AHI1: variants seen among roughly 807,000 people sequenced by gnomAD.
The protein encoded by AHI1 is Abelson helper integration site 1, also known as jouberin.
In AHI1, 123 loss-of-function variants were observed where a neutral mutation model predicts 149.3. That is an observed-to-expected ratio of 0.82 (90% CI 0.71 to 0.96). The LOEUF (loss-of-function observed/expected upper bound fraction) is 0.96, where lower values mean the gene tolerates loss of function less well. Among genes scored for constraint, AHI1 ranks in the 40% least tolerant of loss-of-function variants. AHI1 has a pLI of 0.00. For synonymous variants in AHI1, 475 were observed against 459.8 expected, an observed-to-expected ratio of 1.03 and a Z score of -0.42; for missense variants, 1,439 against 1,422.7, an observed-to-expected ratio of 1.01 and a Z score of -0.18.
chr6:135,340,367 T>A (rs1221706498), intron 24 of AHI1, among the ~76,000 whole-genome samples: 1 of 148,724 alleles, frequency 6.7e-6, no homozygotes, highest in Admixed American at 6.7e-5. Context: ...CGAGACTCTG[T>A]CTCAAAAAAC....
chr6:135,428,792 G>A, intron 18 of AHI1, 33 bp from the exon 19 acceptor site: 4 of 1,551,542 alleles, frequency 2.6e-6, no homozygotes, highest in African/African-American at 1.4e-5. Flanking sequence ...AAATGTAACT[G>A]TCTTAATCAT....
At position 135,465,885 on chromosome 6, in the gene AHI1, A is replaced by G. The variant is rs759107885; in HGVS notation, c.678T>C (p.His226=). 5.8e-6 allele frequency: 9 copies of G among 1,549,048 alleles called. No homozygotes were observed. Among genetic ancestry groups the G allele is most frequent in the Admixed American group, 2.0e-5 (1 of 48,782 alleles). The change falls in exon 7 of 29, where the codon CAT becomes CAC. Residue 226 remains histidine, a synonymous_variant. Coordinates refer to ENST00000265602, the MANE Select transcript of AHI1 (RefSeq NM_001134831.2). The stretch of plus-strand genomic sequence containing the variant: ...TTTTTTCACTGCTTAGTTTGTCATC[A>G]TGGAATAAAGTATCTGAGGGAAAGT... The part of the protein sequence containing the change: ...LTYFPSDTLF[H]DDKLSSEKRK...
At chr6:135,332,155 C>G (rs1351945025) in intron 24 of AHI1, among the ~76,000 whole-genome samples, 1 of 151,728 alleles carries the variant, frequency 6.6e-6, no homozygotes, top group African/African-American at 2.4e-5. Flanking sequence ...CTGCAACCTC[C>G]GTCTCCCGGG....
At chr6:135,299,225 A>G (rs1783548790) in intron 27 of AHI1, among the ~76,000 whole-genome samples, 2 of 152,356 alleles carry the variant, frequency 1.3e-5, no homozygotes, top group East Asian at 3.9e-4. Flanking sequence ...GACTCTTAAA[A>G]ATTACATTTG....
intron 26 of AHI1, chr6:135,301,353 T>G: frequency 2.1e-6 from 2 of 972,388 alleles, no homozygotes; most frequent in Non-Finnish European, 2.4e-6. Flanking sequence ...TCCTAATTAT[T>G]TCAGTAATCC....
intron 4 of AHI1, 67 bp downstream of exon 4, chr6:135,492,161 A>G: frequency 7.7e-7 from 1 of 1,291,046 alleles, no homozygotes; most frequent in Middle Eastern, 2.7e-4. Context: ...ATCCCTTAAA[A>G]TAAACCAAAC....
chr6:135,466,823 C>T (rs988342761), intron 6 of AHI1, among the ~76,000 whole-genome samples: 1 of 152,170 alleles, frequency 6.6e-6, no homozygotes, highest in Non-Finnish European at 1.5e-5. Flanking sequence ...CAAAAGTCTA[C>T]AGCTCTAAGA....
intron 5 of AHI1, among the ~76,000 whole-genome samples, chr6:135,467,835 G>A (rs1468248650): frequency 6.6e-6 from 1 of 152,172 alleles, no homozygotes; most frequent in East Asian, 1.9e-4. Context: ...ATCTCTGAAT[G>A]TAACTTCAGA....
intron 24 of AHI1, among the ~76,000 whole-genome samples, chr6:135,348,046 C>T (rs1026960329): frequency 1.3e-5 from 2 of 152,170 alleles, no homozygotes; most frequent in Non-Finnish European, 2.9e-5. Context: ...CCAAGGGTGT[C>T]TGTGTTAGTG....
intron 5 of AHI1, among the ~76,000 whole-genome samples, chr6:135,472,639 C>T (rs185868236): frequency 6.6e-6 from 1 of 152,162 alleles, no homozygotes; most frequent in African/African-American, 2.4e-5. Context: ...CAGTTACTTA[C>T]CATCCTTGTT....
At chr6:135,320,809 G>T (rs1206131584) in intron 25 of AHI1, among the ~76,000 whole-genome samples, 1 of 152,194 alleles carries the variant, frequency 6.6e-6, no homozygotes, top group African/African-American at 2.4e-5. Context: ...ACTCCAGAGT[G>T]ACTACCATTG....
At chr6:135,493,694 G>A (rs1026914290) in intron 3 of AHI1, among the ~76,000 whole-genome samples, 1 of 152,124 alleles carries the variant, frequency 6.6e-6, no homozygotes. Flanking sequence ...TATACTACTC[G>A]ATGGTCATCT....
chr6:135,308,330 G>C (rs1784765869), intron 26 of AHI1, among the ~76,000 whole-genome samples: 1 of 152,090 alleles, frequency 6.6e-6, no homozygotes, highest in African/African-American at 2.4e-5. Flanking sequence ...CATCCTCTCA[G>C]GCTGAAGCGA....
intron 24 of AHI1, among the ~76,000 whole-genome samples, chr6:135,324,667 G>A (rs1011614913): frequency 2.3e-4 from 35 of 151,946 alleles, no homozygotes; most frequent in African/African-American, 8.2e-4. Context: ...AGACGTGAGA[G>A]CTGAGATAGA....
chr6:135,360,813 C>T (rs947343770), intron 23 of AHI1, among the ~76,000 whole-genome samples: 5 of 152,044 alleles, frequency 3.3e-5, no homozygotes, highest in African/African-American at 1.2e-4. Context: ...ATAAATCGAC[C>T]TATCAACAAA....
intron 24 of AHI1, among the ~76,000 whole-genome samples, chr6:135,337,922 C>T (rs75121985): frequency 0.018 from 2,664 of 152,018 alleles, 77 homozygotes; most frequent in African/African-American, 0.061. Flanking sequence ...AGGAGAAGTT[C>T]GCGTACATGC....
intron 26 of AHI1, chr6:135,305,257 T>C (rs1008973900): frequency 1.3e-5 from 2 of 152,236 alleles, no homozygotes; most frequent in African/African-American, 4.8e-5. Flanking sequence ...ACTCCTCTAT[T>C]CCCGTGGATT....
At position 135,446,309 on chromosome 6, in the gene AHI1, G is replaced by C. The variant is rs73562100; in HGVS notation, c.1779+699C>G. The stretch of plus-strand genomic sequence containing the variant: ...TGGAAGGGTCCTAATCCAATAGGGG[G>C]AGAGACAACAGGGGCGTGCATGCAC... On this transcript the variant is annotated intron_variant, in intron 13 of 28. Coordinates refer to ENST00000265602, the MANE Select transcript of AHI1 (RefSeq NM_001134831.2). Among the ~76,000 whole-genome samples, 18 of 152,278 alleles carry C rather than the reference G, an allele frequency of 1.2e-4. No homozygotes were observed. The South Asian group carries it at 2.5e-3, about 21-fold the overall frequency.
At chr6:135,290,913 AACACAC>A (rs574033007) in intron 27 of AHI1, among the ~76,000 whole-genome samples, 4 of 146,176 alleles carry the variant, frequency 2.7e-5, no homozygotes, top group South Asian at 2.2e-4. Flanking sequence ...AACACACACA[AACACAC>A]ACACACACAC....
Sources: gnomAD v4.1 joint callset for allele counts (sites outside exome capture counted in the v4.1 genomes callset) on GRCh38, gnomAD v4.1.1 for gene constraint, MANE v1.5 for transcripts, NCBI Gene and HGNC (gene_info 2026-07-23, HGNC 2026-07-21) for gene names.